Variants in PRDM16 observed in about 807,000 individuals in gnomAD.
PRDM16 encodes the protein histone-lysine N-methyltransferase PRDM16.
In PRDM16, 23 loss-of-function variants were observed where a neutral mutation model predicts 110.6. That is an observed-to-expected ratio of 0.21 (90% CI 0.15 to 0.29). The LOEUF (loss-of-function observed/expected upper bound fraction) is 0.29. PRDM16 is among the 10% of genes least tolerant of loss of function. The pLI is 1.00. For synonymous variants in PRDM16, 799 were observed against 781.8 expected (o/e 1.02, Z -0.37); for missense variants, 1,615 against 1,794.3 (o/e 0.90, Z 1.81).
At chr1:3,297,746 A>T (rs966672490) in intron 3 of PRDM16, among the ~76,000 whole-genome samples, 1 of 152,176 alleles carries the variant, frequency 6.6e-6, no homozygotes, top group Non-Finnish European at 1.5e-5. Flanking sequence ...AGCGGCAGGA[A>T]ACAGGGGACA....
intron 1 of PRDM16, among the ~76,000 whole-genome samples, chr1:3,089,789 TG>T (rs1642233557): frequency 6.6e-6 from 1 of 152,212 alleles, no homozygotes; most frequent in Admixed American, 6.5e-5. Context: ...GCACCAGGGA[TG>T]TTCCATTTGA....
chr1:3,406,264 CAG>C (rs1469106143), intron 8 of PRDM16, among the ~76,000 whole-genome samples: 4 of 152,208 alleles, frequency 2.6e-5, no homozygotes, highest in East Asian at 1.9e-4. Flanking sequence ...TACAGCCTCA[CAG>C]GGGGCCAGGC....
rs528900601 is a variant in PRDM16 at position 3,341,261 on chromosome 1, G to T, written c.439-43891G>T. On this transcript the variant is annotated intron_variant, in intron 3 of 16. Transcript: ENST00000270722. ...ATGGCGGCTGTCTTACCCCAGCCAG[G>T]TTTCCATCCCCGTTGGCAAGGGTAG... is the stretch of plus-strand genomic sequence containing the variant. Among the ~76,000 whole-genome samples the T allele has an allele frequency of 2.6e-5, 4 of 152,310 alleles. No homozygotes were observed. In the South Asian group the frequency reaches 6.2e-4, roughly 24 times the overall value.
rs558945168 is a variant in PRDM16, at chr1:3,088,140, G to A, written c.37+18844G>A. Among the ~76,000 whole-genome samples, 10 of 152,142 alleles carry A rather than the reference G, an allele frequency of 6.6e-5. No individual in the cohort carries two copies. In the South Asian group the frequency reaches 1.2e-3, roughly 19 times the overall value. On this transcript the variant is annotated intron_variant, in intron 1 of 16. Coordinates refer to ENST00000270722, the MANE Select transcript of PRDM16 (RefSeq NM_022114.4). The stretch of plus-strand genomic sequence containing the variant: ...GCTGCTCCTTCGCCTGACCTCCACC[G>A]CTGCTGCCGGTGCAGCTTGCACACA...
chr1:3,123,919 C>T (rs1643148386), intron 1 of PRDM16, among the ~76,000 whole-genome samples: 1 of 152,244 alleles, frequency 6.6e-6, no homozygotes, highest in African/African-American at 2.4e-5. Context: ...TGTCTCCGAG[C>T]ACCTGGGCTC....
chr1:3,321,297 TGTGA>T (rs907344035), intron 3 of PRDM16, among the ~76,000 whole-genome samples: 5 of 152,234 alleles, frequency 3.3e-5, no homozygotes, highest in East Asian at 1.9e-4. Context: ...AGTACACATA[TGTGA>T]GTGTGTCCAT....
At chr1:3,380,159 G>T (rs1410421250) in intron 3 of PRDM16, among the ~76,000 whole-genome samples, 1 of 150,684 alleles carries the variant, frequency 6.6e-6, no homozygotes, top group African/African-American at 2.4e-5. Flanking sequence ...TGCCCTTCCG[G>T]CACACCCTTC....
intron 9 of PRDM16, 58 bp from the exon 10 acceptor site, chr1:3,414,502 G>T: frequency 7.2e-7 from 1 of 1,385,040 alleles, no homozygotes; most frequent in Non-Finnish European, 1.0e-6. Context: ...TGTGGAGCGG[G>T]TGGCTCGGCG....
chr1:3,095,121 T>C (rs1642367208), intron 1 of PRDM16, among the ~76,000 whole-genome samples: 1 of 152,190 alleles, frequency 6.6e-6, no homozygotes, highest in African/African-American at 2.4e-5. Context: ...CCCAGGGCCC[T>C]GCCCACCTGC....
chr1:3,431,944 C>A (rs779697085), intron 15 of PRDM16, 22 bp from the exon 16 acceptor site: 20 of 1,605,202 alleles, frequency 1.2e-5, no homozygotes, highest in Admixed American at 1.7e-5. Flanking sequence ...CAGGCCTTCC[C>A]TCTCCCCGGT....
intron 14 of PRDM16, among the ~76,000 whole-genome samples, chr1:3,426,946 TACATA>T (rs1638625734): frequency 6.6e-6 from 1 of 152,238 alleles, no homozygotes; most frequent in Admixed American, 6.5e-5. Context: ...CACACACGTG[TACATA>T]ACATGTGCGT....
rs987322421 is a variant in PRDM16, at chr1:3,358,536, T to A, written c.439-26616T>A. On this transcript the variant is annotated intron_variant, in intron 3 of 16. Coordinates refer to ENST00000270722, the MANE Select transcript of PRDM16 (RefSeq NM_022114.4). The surrounding 1 kb of genome is among the most constrained non-coding windows in gnomAD (Gnocchi z 4.0). Reference sequence around the variant, plus strand: ...TAAGGTTCCAGTGTTCCCTTTCCCGTCACCAGGCAGAGCCCCGAATTCTCC... The same window carrying A: ...TAAGGTTCCAGTGTTCCCTTTCCCGACACCAGGCAGAGCCCCGAATTCTCC... Among the ~76,000 whole-genome samples the A allele has an allele frequency of 6.6e-6, 1 of 152,092 alleles. No homozygotes were observed. The highest frequency in any genetic ancestry group is 1.5e-5 in the Non-Finnish European group (1 of 68,024).
chr1:3,337,067 CTG>C (rs1184213423), intron 3 of PRDM16, among the ~76,000 whole-genome samples: 14 of 145,556 alleles, frequency 9.6e-5, no homozygotes, highest in South Asian at 4.5e-4. Flanking sequence ...TGGTGTGAAT[CTG>C]TGTGCGTGTG....
intron 1 of PRDM16, among the ~76,000 whole-genome samples, chr1:3,160,354 C>T (rs1052123195): frequency 3.3e-5 from 5 of 152,210 alleles, no homozygotes; most frequent in African/African-American, 1.2e-4. Flanking sequence ...GTCCCTGGTG[C>T]TCAGCAAGTC....
chr1:3,384,470 G>C (rs13375777), intron 3 of PRDM16, among the ~76,000 whole-genome samples: 7,968 of 152,260 alleles, frequency 0.052, 701 homozygotes, highest in African/African-American at 0.18. Flanking sequence ...GGTGGTCCTC[G>C]GAGGAGTGGG....
chr1:3,118,128 C>T (rs1048613475), intron 1 of PRDM16, among the ~76,000 whole-genome samples: 21 of 148,790 alleles, frequency 1.4e-4, no homozygotes, highest in South Asian at 4.4e-4. Context: ...TGCGTGTGTG[C>T]GTGTGTACAT....
chr1:3,147,805 A>G (rs1209549660), intron 1 of PRDM16, among the ~76,000 whole-genome samples: 2 of 152,042 alleles, frequency 1.3e-5, no homozygotes, highest in African/African-American at 4.8e-5. Flanking sequence ...CCAGGAGAGG[A>G]GGCAGCCAGA....
In PRDM16 at chr1:3,422,790, C is replaced by T. The variant is rs568262022; in HGVS notation, c.2940-2791C>T. ...CAGGCCGAGTCAAACAAAACTGCAG[C>T]GCCGCCCAGGGCAGGCTTTGTGGAT... On this transcript the variant is annotated intron_variant, in intron 12 of 16. Transcript: ENST00000270722. Among the ~76,000 whole-genome samples the T allele has an allele frequency of 9.8e-5, 15 of 152,370 alleles. No homozygotes were observed. The East Asian group carries it at 1.5e-3, about 16-fold the overall frequency.
At chr1:3,121,825 A>G (rs1047029070) in intron 1 of PRDM16, among the ~76,000 whole-genome samples, 2 of 152,100 alleles carry the variant, frequency 1.3e-5, no homozygotes, top group Admixed American at 1.3e-4. Context: ...GCGGCTGGGG[A>G]CCCCGGAATG....
Sources: gnomAD v4.1 joint callset for allele counts (sites outside exome capture counted in the v4.1 genomes callset) on GRCh38, gnomAD v4.1.1 for gene constraint, Gnocchi (gnomAD v3.1) non-coding constraint, MANE v1.5 for transcripts, NCBI Gene and HGNC (gene_info 2026-07-23, HGNC 2026-07-21) for gene names.